SCML4: variants seen among roughly 807,000 people sequenced by gnomAD.
SCML4 encodes Scm polycomb group protein like 4.
A neutral mutation model predicts 41.1 loss-of-function variants in SCML4; 34 were observed. The ratio of observed to expected loss-of-function variants is 0.83; its 90% confidence interval spans 0.63 to 1.10. The LOEUF (loss-of-function observed/expected upper bound fraction) is 1.10, where lower values mean the gene tolerates loss of function less well. Ranked by LOEUF, SCML4 falls within the 50% of genes least tolerant of loss-of-function variation. The pLI is 0.00. For missense variants in SCML4, 522 were observed against 534.1 expected, an observed-to-expected ratio of 0.98 and a Z score of 0.22; for synonymous variants, 214 against 220.9, an observed-to-expected ratio of 0.97 and a Z score of 0.28.
At chr6:107,715,119 C>T (rs1419213151) in intron 6 of SCML4, among the ~76,000 whole-genome samples, 2 of 150,092 alleles carry the variant, frequency 1.3e-5, no homozygotes, top group Non-Finnish European at 3.0e-5. Flanking sequence ...GGATTACAGG[C>T]ATGTGCCGCC....
At chr6:107,740,448 G>T (rs1777484224) in intron 5 of SCML4, among the ~76,000 whole-genome samples, 1 of 152,228 alleles carries the variant, frequency 6.6e-6, no homozygotes, top group Non-Finnish European at 1.5e-5. Flanking sequence ...TGGAGCTTGA[G>T]AGACAAGCTC....
intron 1 of SCML4, among the ~76,000 whole-genome samples, chr6:107,778,955 C>T (rs1007504761): frequency 2.4e-4 from 37 of 152,104 alleles, no homozygotes; most frequent in Middle Eastern, 3.4e-3. Context: ...CCGAGGCGGG[C>T]GGATCACGAG....
chr6:107,749,602 A>G, intron 3 of SCML4, 82 bp downstream of exon 3: 1 of 1,527,748 alleles, frequency 6.5e-7, no homozygotes, highest in Non-Finnish European at 8.9e-7. Context: ...ACAACTCTTT[A>G]ATCCACAAAG....
chr6:107,840,474 T>G, the SCML4 span, among the ~76,000 whole-genome samples: 4 of 152,252 alleles, frequency 2.6e-5, no homozygotes, highest in Admixed American at 2.6e-4. Context: ...ACAGGGAATC[T>G]TCATTCACTT....
rs371372189 is a variant in SCML4, at chr6:107,749,727, G to T, written c.243C>A (p.Asp81Glu). ...CCGCCAAGCTGGGGACCGTGGCTGC[G>T]TCCTGAGGGATGGAGCTGAGGTCGG... ...PEPDLSSIPQ[D>E]AATVPSLAAP... is the part of the protein sequence containing the mutation. Residue 81 changes from aspartate (D) to glutamate (E), a missense_variant, in exon 3 of 8, where the codon GAC becomes GAA. Physicochemically the swap from Asp to Glu is conservative, Grantham distance 45. Transcript: ENST00000369020. The T allele has an allele frequency of 9.3e-6, 15 of 1,614,024 alleles. No individual in the cohort carries two copies. The highest frequency in any genetic ancestry group is 1.3e-5 in the Non-Finnish European group (15 of 1,179,980).
At chr6:107,799,139 A>G (rs1311561056) in intron 1 of SCML4, among the ~76,000 whole-genome samples, 1 of 152,198 alleles carries the variant, frequency 6.6e-6, no homozygotes. Flanking sequence ...TTGTTCTGTC[A>G]GTTACTAAAA....
At chr6:107,832,110 A>C in the SCML4 span, among the ~76,000 whole-genome samples, 1 of 151,566 alleles carries the variant, frequency 6.6e-6, no homozygotes, top group Non-Finnish European at 1.5e-5. Context: ...GTGGTGGTGC[A>C]TGCCGGTAGT....
chr6:107,825,550 G>T (rs1785216458), upstream of SCML4, among the ~76,000 whole-genome samples: 1 of 152,182 alleles, frequency 6.6e-6, no homozygotes, highest in African/African-American at 2.4e-5. Flanking sequence ...ATCAAATTTT[G>T]TTGTTTTGTA....
intron 1 of SCML4, among the ~76,000 whole-genome samples, chr6:107,774,567 C>T (rs1242301835): frequency 6.6e-6 from 1 of 152,208 alleles, no homozygotes; most frequent in African/African-American, 2.4e-5. Flanking sequence ...GAACTATTCT[C>T]ATCAAGTTTC....
intron 1 of SCML4, among the ~76,000 whole-genome samples, chr6:107,794,192 C>T (rs1459270998): frequency 2.0e-5 from 3 of 152,124 alleles, no homozygotes; most frequent in African/African-American, 7.2e-5. Flanking sequence ...AAAGAAGGTG[C>T]TCAATAGATG....
intron 2 of SCML4, among the ~76,000 whole-genome samples, chr6:107,764,374 A>G (rs1779865806): frequency 6.6e-6 from 1 of 152,234 alleles, no homozygotes; most frequent in Non-Finnish European, 1.5e-5. Context: ...CCCAAATAAA[A>G]TAGATTGCCT....
Position 107,702,524 on chromosome 6 carries a change from G to A in SCML4, c.*2676C>T, listed in dbSNP as rs1773265803. On this transcript the variant is annotated 3_prime_UTR_variant, in exon 8 of 8. Transcript: ENST00000369020. ...TCTGTTGATGGAAGAGGTACCACAA[G>A]TATCGGAAGATTGAGAAAAAAAAGA... 6.6e-6 allele frequency among the ~76,000 whole-genome samples: 1 copy of A among 152,160 alleles called. No homozygotes were observed. The highest frequency in any genetic ancestry group is 6.5e-5 in the Admixed American group (1 of 15,280).
intron 2 of SCML4, among the ~76,000 whole-genome samples, chr6:107,764,876 T>A (rs1268051848): frequency 6.6e-6 from 1 of 152,176 alleles, no homozygotes; most frequent in Non-Finnish European, 1.5e-5. Flanking sequence ...GGAAACCCCT[T>A]TCGCTTGACT....
chr6:107,757,631 T>C (rs1779223952), intron 2 of SCML4, among the ~76,000 whole-genome samples: 1 of 152,232 alleles, frequency 6.6e-6, no homozygotes, highest in Admixed American at 6.5e-5. Flanking sequence ...CCTCAGAGCC[T>C]GCCTTTCCTC....
In SCML4 at chr6:107,815,674, G is replaced by C. The variant is rs549221800; in HGVS notation, c.-60+8452C>G. On this transcript the variant is annotated intron_variant, in intron 1 of 7. Transcript: ENST00000369020. Reference sequence around the variant, plus strand: ...TCACTTCTTTCTGTTGCCCAGAGGCGGGTGCCTGCGTTGGAAGTAATCAGC... The same window carrying C: ...TCACTTCTTTCTGTTGCCCAGAGGCCGGTGCCTGCGTTGGAAGTAATCAGC... 3.3e-5 allele frequency among the ~76,000 whole-genome samples: 5 copies of C among 152,232 alleles called. No homozygotes were observed. The South Asian group carries it at 1.0e-3, about 32-fold the overall frequency.
chr6:107,729,797 T>C (rs1387145866), intron 5 of SCML4, among the ~76,000 whole-genome samples: 3 of 152,262 alleles, frequency 2.0e-5, no homozygotes, highest in Non-Finnish European at 4.4e-5. Context: ...ATATTTGGAA[T>C]GCATTGAGCT....
Position 107,745,144 on chromosome 6 carries a change from C to T in SCML4, c.488-1G>A. The T allele has an allele frequency of 6.4e-7, 1 of 1,562,748 alleles. No homozygotes were observed. Among genetic ancestry groups the T allele is most frequent in the Non-Finnish European group, 8.7e-7 (1 of 1,152,298 alleles). On this transcript the variant is annotated splice_acceptor_variant, in intron 4 of 7. Coordinates refer to ENST00000369020, the MANE Select transcript of SCML4 (RefSeq NM_198081.5). LOFTEE classifies it high-confidence loss of function. ...TGTTTGCCATCAAAGGAAGCCGAGA[C>T]TGGAAAACCAGAGAGATGTCAGCTT... is the stretch of plus-strand genomic sequence containing the variant.
intron 2 of SCML4, among the ~76,000 whole-genome samples, chr6:107,759,266 G>A (rs922995741): frequency 1.3e-5 from 2 of 152,028 alleles, no homozygotes; most frequent in African/African-American, 4.8e-5. Context: ...GGAGGCGGAG[G>A]TTGCAGTAAG....
At chr6:107,759,886 G>T (rs1210545281) in intron 2 of SCML4, among the ~76,000 whole-genome samples, 2 of 152,128 alleles carry the variant, frequency 1.3e-5, no homozygotes, top group Admixed American at 6.5e-5. Flanking sequence ...CCACTGCACT[G>T]CAGGGCAGTG....
Sources: allele counts gnomAD v4.1 joint callset (sites outside exome capture counted in the v4.1 genomes callset), GRCh38; gene constraint gnomAD v4.1.1; transcripts MANE v1.5; gene names NCBI Gene and HGNC (gene_info 2026-07-23, HGNC 2026-07-21).